The following MED8 variants were observed in gnomAD, a reference collection of about 807,000 sequenced individuals.
MED8 encodes the protein mediator complex subunit 8.
In MED8, 22 loss-of-function variants were observed where a neutral mutation model predicts 34.8. That is an observed-to-expected ratio of 0.63 (90% CI 0.45 to 0.90). The LOEUF (loss-of-function observed/expected upper bound fraction) is 0.90. Ranked by LOEUF, MED8 falls within the 40% of genes least tolerant of loss-of-function variation. MED8 has a pLI of 0.00. For missense variants in MED8, 260 were observed against 326.3 expected, an observed-to-expected ratio of 0.80 and a Z score of 1.57; for synonymous variants, 105 against 120.2, an observed-to-expected ratio of 0.87 and a Z score of 0.83.
In MED8 at chr1:43,386,593, A is replaced by G; in HGVS notation, c.489T>C (p.Ser163=). ...TAGCCACCAGTCCCATCATACCTCCACTCTCTGATTCTCGCTCCTCTTTGC... is the reference window on the plus strand; with the variant it reads ...TAGCCACCAGTCCCATCATACCTCCGCTCTCTGATTCTCGCTCCTCTTTGC... ...KISKEERESE[S]GGLRPNKQTF... The change falls in exon 5 of 7, where the codon AGT becomes AGC. Residue 163 remains serine, a synonymous_variant. Coordinates refer to ENST00000372457, the MANE Select transcript of MED8 (RefSeq NM_201542.5). This position sits in a 1 kb window ranked among gnomAD's most constrained non-coding sequence, Gnocchi z 4.9. 2 of 1,610,398 alleles carry G rather than the reference A, an allele frequency of 1.2e-6. No individual in the cohort carries two copies. The highest frequency in any genetic ancestry group is 1.7e-6 in the Non-Finnish European group (2 of 1,178,454).
chr1:43,388,588 T>G, intron 1 of MED8, 160 bp from the exon 2 acceptor site: 1 of 1,261,056 alleles, frequency 7.9e-7, no homozygotes, highest in Non-Finnish European at 1.1e-6. Context: ...GTATTTGGGT[T>G]ATAGACAGCA....
chr1:43,384,353 T>C lies in MED8; in HGVS notation c.*689A>G. The C allele has an allele frequency of 2.1e-6, 3 of 1,445,398 alleles. No individual in the cohort carries two copies. The highest frequency in any genetic ancestry group is 2.8e-6 in the Non-Finnish European group (3 of 1,085,642). The allele number at this position is 1,445,398 out of a possible 1,614,324, so 89.5% of individuals were successfully genotyped here. A position where few individuals can be genotyped will look rare whatever the true frequency, so the allele number is the denominator to read the frequency against. ...CCACTTCCTGAGAAAGCCTCGTGTG[T>C]ATAAGGTGGGGTAAAGGATAGGGGA... On this transcript the variant is annotated 3_prime_UTR_variant, in exon 7 of 7. Transcript: ENST00000372457.
chr1:43,387,594 T>C lies in MED8; in HGVS notation c.179A>G (p.Asn60Ser). The change falls in exon 3 of 7, where the codon AAC becomes AGC. Residue 60 changes from asparagine (N) to serine (S), a missense_variant. By Grantham distance (46) the Asn-to-Ser change is conservative (BLOSUM62 1). Coordinates refer to ENST00000372457, the MANE Select transcript of MED8 (RefSeq NM_201542.5). ...ALLSGQLNTL[N>S]KVLKHEKTPL... Reference sequence around the variant, plus strand: ...TGTTTTTTCATGCTTCAAGACCTTGTTCAGAGTGTTCAGCTGTCCAGAAAG... The same window carrying C: ...TGTTTTTTCATGCTTCAAGACCTTGCTCAGAGTGTTCAGCTGTCCAGAAAG... 6.2e-7 allele frequency: 1 copy of C among 1,613,992 alleles called. No homozygotes were observed. The highest frequency in any genetic ancestry group is 8.5e-7 in the Non-Finnish European group (1 of 1,179,900).
chr1:43,386,364 G>C lies in MED8; in HGVS notation c.494-138C>G, dbSNP rs532265813. The C allele has an allele frequency of 8.4e-6, 10 of 1,188,690 alleles. No homozygotes were observed. Among genetic ancestry groups the C allele is most frequent in the Admixed American group, 5.4e-5 (2 of 36,894 alleles). 73.6% of individuals were successfully genotyped at this position (1,188,690 alleles called of 1,614,324 possible). A position where few individuals can be genotyped will look rare whatever the true frequency, so the allele number is the denominator to read the frequency against. ...TAGACTCCCTCACAGCCCAGAAAAA[G>C]AGCCAGAGGACCCCCAAGCCTATCT... On this transcript the variant is annotated intron_variant, in intron 5 of 6. Transcript: ENST00000372457. This position sits in a 1 kb window ranked among gnomAD's most constrained non-coding sequence, Gnocchi z 4.9.
At position 43,384,284 on chromosome 1, in the gene MED8, G is replaced by A. The variant is rs1647646905; in HGVS notation, c.*758C>T. The A allele has an allele frequency of 1.3e-6, 1 of 794,568 alleles. No homozygotes were observed. The highest frequency in any genetic ancestry group is 1.9e-6 in the Non-Finnish European group (1 of 533,278). The allele number at this position is 794,568 out of a possible 1,614,324, so 49.2% of individuals were successfully genotyped here. A position where few individuals can be genotyped will look rare whatever the true frequency, so the allele number is the denominator to read the frequency against. On this transcript the variant is annotated 3_prime_UTR_variant, in exon 7 of 7. Coordinates refer to ENST00000372457, the MANE Select transcript of MED8 (RefSeq NM_201542.5). ...AATCCAGGGGAAGGGGCTTTTTCGTGTGCTAAGGAAAAACCCTTTCCCACA... is the reference window on the plus strand; with the variant it reads ...AATCCAGGGGAAGGGGCTTTTTCGTATGCTAAGGAAAAACCCTTTCCCACA...
In MED8 at chr1:43,385,051, G is replaced by A. The variant is rs1480732473; in HGVS notation, c.798C>T (p.Tyr266=). The A allele has an allele frequency of 1.3e-6, 2 of 1,556,982 alleles. No homozygotes were observed. The highest frequency in any genetic ancestry group is 8.7e-7 in the Non-Finnish European group (1 of 1,149,690). The change falls in exon 7 of 7, where the codon TAC becomes TAT. Residue 266 remains tyrosine (Y), a synonymous_variant. Transcript: ENST00000372457. ...TNIKSASMHP[Y]QR ...AGGTTGCCAGCCACACTCACCGCTG[G>A]TAGGGATGCATGGAAGCCGACTTGA...
At position 43,384,627 on chromosome 1, in the gene MED8, T is replaced by C. The variant is rs1435509777; in HGVS notation, c.*415A>G. 2 of 1,508,606 alleles carry C rather than the reference T, an allele frequency of 1.3e-6. No individual in the cohort carries two copies. Among genetic ancestry groups the C allele is most frequent in the Non-Finnish European group, 1.8e-6 (2 of 1,129,470 alleles). The allele number at this position is 1,508,606 out of a possible 1,614,324, so 93.5% of individuals were successfully genotyped here. A position where few individuals can be genotyped will look rare whatever the true frequency, so the allele number is the denominator to read the frequency against. ...GCAGCACAAAATAAGCATAGCCTTA[T>C]TTGATCTTGTGTCCATCAGCTCACC... On this transcript the variant is annotated 3_prime_UTR_variant, in exon 7 of 7. Coordinates refer to ENST00000372457, the MANE Select transcript of MED8 (RefSeq NM_201542.5).
At chr1:43,388,234 T>G in intron 2 of MED8, 76 bp downstream of exon 2, 1 of 1,368,650 alleles carries the variant, frequency 7.3e-7, no homozygotes, top group Non-Finnish European at 1.0e-6. Context: ...GTTACATCAT[T>G]AGAAATGTCC....
chr1:43,384,689 G>T lies in MED8; in HGVS notation c.*353C>A. ...GCAGTATCAGATTAGGGTAAGTTCTGGATCAAGGACTGTGGAGGGTGGTGG... is the reference window on the plus strand; with the variant it reads ...GCAGTATCAGATTAGGGTAAGTTCTTGATCAAGGACTGTGGAGGGTGGTGG... On this transcript the variant is annotated 3_prime_UTR_variant, in exon 7 of 7. Transcript: ENST00000372457. The T allele has an allele frequency of 6.9e-7, 1 of 1,454,412 alleles. No individual in the cohort carries two copies. The highest frequency in any genetic ancestry group is 1.5e-5 in the South Asian group (1 of 67,012). 90.1% of individuals were successfully genotyped at this position (1,454,412 alleles called of 1,614,324 possible).
intron 2 of MED8, 51 bp from the exon 3 acceptor site, chr1:43,387,698 T>A (rs1647782920): frequency 6.2e-7 from 1 of 1,604,950 alleles, no homozygotes; most frequent in Admixed American, 1.7e-5. Flanking sequence ...CCTGGGTGGT[T>A]CTTAGTAAAA....
At chr1:43,385,842 T>C (rs1045651808) in intron 6 of MED8, 136 bp downstream of exon 6, 2 of 1,372,802 alleles carry the variant, frequency 1.5e-6, no homozygotes, top group Non-Finnish European at 2.0e-6. Flanking sequence ...CTTCTGAAAA[T>C]TATTTCCTGG....
At position 43,385,068 on chromosome 1, in the gene MED8, C is replaced by A. The variant is rs2153925528; in HGVS notation, c.781G>T (p.Ala261Ser). The stretch of plus-strand genomic sequence containing the variant: ...CACCGCTGGTAGGGATGCATGGAAG[C>A]CGACTTGATGTTGGTTTTTATTCCA... Reference protein sequence around the residue: ...PSGIKTNIKSASMHPYQR With the variant: ...PSGIKTNIKSSSMHPYQR The change falls in exon 7 of 7, where the codon GCT becomes TCT. Residue 261 changes from alanine to serine, a missense_variant. Coordinates refer to ENST00000372457, the MANE Select transcript of MED8 (RefSeq NM_201542.5). 2 of 1,557,386 alleles carry A rather than the reference C, an allele frequency of 1.3e-6. No individual in the cohort carries two copies. Among genetic ancestry groups the A allele is most frequent in the Middle Eastern group, 1.7e-4 (1 of 5,996 alleles).
chr1:43,387,376 G>C, intron 3 of MED8, 127 bp downstream of exon 3: 20 of 1,297,962 alleles, frequency 1.5e-5, no homozygotes, highest in Non-Finnish European at 2.1e-5. Context: ...CCCGCCTTCA[G>C]AAGAACAAAA....
In MED8 at chr1:43,384,189, T is replaced by G. The variant is rs550950495; in HGVS notation, c.*853A>C. The G allele has an allele frequency of 6.8e-5, 24 of 352,660 alleles. No individual in the cohort carries two copies. Among genetic ancestry groups the G allele is most frequent in the African/African-American group, 4.0e-4 (19 of 47,110 alleles). 21.8% of individuals were successfully genotyped at this position (352,660 alleles called of 1,614,324 possible). A position where few individuals can be genotyped will look rare whatever the true frequency, so the allele number is the denominator to read the frequency against. ...CCAAAGTCGAGAAAGTGGGCACCAT[T>G]ATGAGGTCAACTAAACCCTGATGGC... On this transcript the variant is annotated 3_prime_UTR_variant, in exon 7 of 7. Transcript: ENST00000372457.
At chr1:43,388,690 T>G (rs2153926043) in intron 1 of MED8, 2 of 442,496 alleles carry the variant, frequency 4.5e-6, no homozygotes, top group Non-Finnish European at 8.3e-6. Context: ...CTATGCCTGG[T>G]TTTTCTCTGT....
chr1:43,384,903 A>C lies in MED8; in HGVS notation c.*139T>G. Reference sequence around the variant, plus strand: ...CTTGTCCAAGGTCACACAGCTAGTCAGTGGTGGAAGTGGGATTTGTCTGCT... The same window carrying C: ...CTTGTCCAAGGTCACACAGCTAGTCCGTGGTGGAAGTGGGATTTGTCTGCT... On this transcript the variant is annotated 3_prime_UTR_variant, in exon 7 of 7. Transcript: ENST00000372457. 7.0e-7 allele frequency: 1 copy of C among 1,432,696 alleles called. No individual in the cohort carries two copies. The highest frequency in any genetic ancestry group is 9.2e-7 in the Non-Finnish European group (1 of 1,090,488). 88.7% of individuals were successfully genotyped at this position (1,432,696 alleles called of 1,614,324 possible).
rs1337652328 is a variant in MED8, at chr1:43,386,921, T to C, written c.348A>G (p.Glu116=). 6.2e-7 allele frequency: 1 copy of C among 1,614,020 alleles called. No homozygotes were observed. Among genetic ancestry groups the C allele is most frequent in the East Asian group, 2.2e-5 (1 of 44,890 alleles). The part of the protein sequence containing the change: ...PDHLRTKPDP[E]VEEQEKQLTT... ...TCAGTTGCTTCTCCTGTTCTTCCAC[T>C]TCAGGGTCAGGCTTGGTTCTCAGAT... The change falls in exon 4 of 7, where the codon GAA becomes GAG. Residue 116 remains glutamate (E), a synonymous_variant. Transcript: ENST00000372457. This position sits in a 1 kb window ranked among gnomAD's most constrained non-coding sequence, Gnocchi z 4.9.
At position 43,386,206 on chromosome 1, in the gene MED8, T is replaced by C. The variant is rs1407655392; in HGVS notation, c.514A>G (p.Thr172Ala). 3 of 1,613,476 alleles carry C rather than the reference T, an allele frequency of 1.9e-6. No homozygotes were observed. The highest frequency in any genetic ancestry group is 1.1e-5 in the South Asian group (1 of 91,066). The change falls in exon 6 of 7, where the codon ACC becomes GCC. Residue 172 changes from threonine (T) to alanine (A), a missense_variant. Transcript: ENST00000372457. The surrounding 1 kb of genome is among the most constrained non-coding windows in gnomAD (Gnocchi z 4.9). ...ESGGLRPNKQTFNPTDTNALV... is the reference protein window; with the variant it reads ...ESGGLRPNKQAFNPTDTNALV... Reference sequence around the variant, plus strand: ...GCATTAGTGTCTGTAGGGTTAAAGGTCTGCTTGTTCGGCCGGAGACCTGAA... The same window carrying C: ...GCATTAGTGTCTGTAGGGTTAAAGGCCTGCTTGTTCGGCCGGAGACCTGAA...
intron 3 of MED8, 96 bp from the exon 4 acceptor site, chr1:43,387,094 T>G: frequency 6.8e-7 from 1 of 1,473,996 alleles, no homozygotes; most frequent in Non-Finnish European, 9.3e-7. Flanking sequence ...CAGTGCATTT[T>G]CAAGGAAAAT....
Sources: allele counts gnomAD v4.1 joint callset, GRCh38; gene constraint gnomAD v4.1.1; non-coding constraint Gnocchi (gnomAD v3.1); transcripts MANE v1.5; gene names NCBI Gene and HGNC (gene_info 2026-07-23, HGNC 2026-07-21).